STRN3: variants seen among roughly 807,000 people sequenced by gnomAD.
STRN3 encodes the protein striatin 3.
STRN3 carries 29 observed loss-of-function variants against 95.6 expected under a neutral mutation model. The ratio of observed to expected loss-of-function variants is 0.30; its 90% confidence interval spans 0.23 to 0.41. The LOEUF (loss-of-function observed/expected upper bound fraction) is 0.41, where lower values mean the gene tolerates loss of function less well. Among genes scored for constraint, STRN3 ranks in the 10% least tolerant of loss-of-function variants. STRN3 has a pLI of 1.00. For missense variants in STRN3, 890 were observed against 972.1 expected (o/e 0.92, Z 1.12); for synonymous variants, 331 against 357.6 (o/e 0.93, Z 0.84).
At chr14:30,983,952 T>C (rs1206480539) in intron 1 of STRN3, among the ~76,000 whole-genome samples, 1 of 152,094 alleles carries the variant, frequency 6.6e-6, no homozygotes, top group Non-Finnish European at 1.5e-5. Flanking sequence ...ACTTATCAAT[T>C]AAGTTTCTGC....
At chr14:30,964,877 C>CCA (rs1287528159) in intron 1 of STRN3, among the ~76,000 whole-genome samples, 2 of 151,764 alleles carry the variant, frequency 1.3e-5, no homozygotes, top group African/African-American at 2.4e-5. Flanking sequence ...CGAGATAGCA[C>CCA]CACTGCACTC....
At chr14:31,022,950 C>T (rs548593711) in intron 1 of STRN3, among the ~76,000 whole-genome samples, 19 of 152,234 alleles carry the variant, frequency 1.2e-4, no homozygotes, top group Non-Finnish European at 7.4e-5. Context: ...TTTGCTTAGA[C>T]TTACTTGATT....
At position 30,902,536 on chromosome 14, in the gene STRN3, C is replaced by T. The variant is rs563790240; in HGVS notation, c.2137G>A (p.Gly713Ser). ...TATGAAAAGAAGACAATTTGCTTAC[C>T]CGTTTTATTGTCAAAAAATTTGATG... Reference protein sequence around the residue: ...RHIKFFDNKTGKMIHSMVAHL... With the variant: ...RHIKFFDNKTSKMIHSMVAHL... The change falls in exon 16 of 18, where the codon GGT becomes AGT. Residue 713 changes from glycine (G) to serine (S), a missense_variant and splice_region_variant. This residue lies in a region of STRN3 where 357 missense variants were observed against 422.8 expected (regional missense o/e 0.84). Transcript: ENST00000357479. The T allele has an allele frequency of 7.0e-6, 11 of 1,573,712 alleles. No individual in the cohort carries two copies. In the African/African-American group the frequency reaches 1.1e-4, roughly 16 times the overall value.
intron 1 of STRN3, among the ~76,000 whole-genome samples, chr14:30,957,259 CCTGG>C (rs1879959774): frequency 6.6e-6 from 1 of 152,082 alleles, no homozygotes; most frequent in African/African-American, 2.4e-5. Flanking sequence ...TCGAGACCAT[CCTGG>C]CTAACACGGT....
intron 1 of STRN3, among the ~76,000 whole-genome samples, chr14:30,969,689 A>G (rs577467485): frequency 6.6e-6 from 1 of 152,332 alleles, no homozygotes; most frequent in Non-Finnish European, 1.5e-5. Flanking sequence ...CAAAAACTAT[A>G]TATAAAGTCC....
Position 30,957,904 on chromosome 14 carries a change from T to C in STRN3, c.283-1662A>G, listed in dbSNP as rs150236523. Reference sequence around the variant, plus strand: ...AAAGAAAGCTATTCAGTAAGCTAAATTGTTGTTAAAACTTTAGTTATGATG... The same window carrying C: ...AAAGAAAGCTATTCAGTAAGCTAAACTGTTGTTAAAACTTTAGTTATGATG... On this transcript the variant is annotated intron_variant, in intron 1 of 17. Transcript: ENST00000357479. 7.3e-5 allele frequency among the ~76,000 whole-genome samples: 11 copies of C among 151,314 alleles called. No individual in the cohort carries two copies. In the East Asian group the frequency reaches 1.3e-3, roughly 19 times the overall value.
chr14:30,921,005 C>T (rs1896864544), intron 8 of STRN3, among the ~76,000 whole-genome samples: 2 of 151,604 alleles, frequency 1.3e-5, no homozygotes, highest in African/African-American at 4.8e-5. Context: ...GTTACTTCTG[C>T]AGTATTTTGT....
chr14:30,944,777 T>C (rs966442852), intron 5 of STRN3, among the ~76,000 whole-genome samples: 7 of 151,618 alleles, frequency 4.6e-5, no homozygotes, highest in Admixed American at 4.6e-4. Flanking sequence ...ACCCAGCTAA[T>C]TTTTATATTT....
chr14:30,909,111 G>A (rs1163971215), intron 13 of STRN3, among the ~76,000 whole-genome samples: 1 of 152,216 alleles, frequency 6.6e-6, no homozygotes, highest in Non-Finnish European at 1.5e-5. Context: ...GATGATGGCT[G>A]TAAAACTTTG....
intron 1 of STRN3, among the ~76,000 whole-genome samples, chr14:31,007,205 A>G (rs1238296381): frequency 2.0e-5 from 3 of 152,242 alleles, no homozygotes; most frequent in Non-Finnish European, 2.9e-5. Context: ...CGCAGCAGAC[A>G]TTAGTTTCAG....
intron 7 of STRN3, among the ~76,000 whole-genome samples, chr14:30,929,967 A>AAAAAAAAAAAAACAAAAAAAAAAAAC (rs1555317337): frequency 3.3e-5 from 3 of 91,122 alleles, no homozygotes; most frequent in African/African-American, 1.2e-4. Flanking sequence ...AAAAAAAAAA[A>AAAAAAAAAAAAACAAAAAAAAAAAAC]AAAAAAAAAA....
At chr14:30,936,849 A>G (rs1176705412) in intron 5 of STRN3, among the ~76,000 whole-genome samples, 1 of 152,224 alleles carries the variant, frequency 6.6e-6, no homozygotes, top group East Asian at 1.9e-4. Flanking sequence ...TGTCCAAAAT[A>G]TTTTAGGTAA....
intron 1 of STRN3, among the ~76,000 whole-genome samples, chr14:30,995,493 C>T (rs1317308443): frequency 1.3e-5 from 2 of 152,106 alleles, no homozygotes; most frequent in African/African-American, 4.8e-5. Context: ...GAATTAGCTG[C>T]CTTTTGAATA....
intron 4 of STRN3, among the ~76,000 whole-genome samples, chr14:30,950,203 G>A (rs753692368): frequency 2.0e-5 from 3 of 152,104 alleles, no homozygotes; most frequent in Admixed American, 6.5e-5. Flanking sequence ...ATAACACAGT[G>A]GTCGGAGGTG....
chr14:30,921,067 CATAT>C lies in STRN3; in HGVS notation c.1100-1965_1100-1962del, dbSNP rs71842213. On this transcript the variant is annotated intron_variant, in intron 8 of 17. Transcript: ENST00000357479. ...AAGGTGAGAAGGCTTTCTACACATA[CATAT>C]ACACACACACACACACACACACACA... 9.5e-3 allele frequency among the ~76,000 whole-genome samples: 1,175 copies of C among 123,476 alleles called. 20 individuals carry two copies. The highest frequency in any genetic ancestry group is 0.03 in the African/African-American group (1,042 of 34,464). The allele number at this position is 123,476 out of a possible 152,430, so 81.0% of individuals were successfully genotyped here.
chr14:30,962,955 C>CTA (rs774447838), intron 1 of STRN3, among the ~76,000 whole-genome samples: 11 of 152,120 alleles, frequency 7.2e-5, no homozygotes, highest in Non-Finnish European at 1.0e-4. Context: ...TCAGAATAGG[C>CTA]TATACCACAT....
At chr14:31,022,236 T>G (rs546377944) in intron 1 of STRN3, among the ~76,000 whole-genome samples, 1 of 151,818 alleles carries the variant, frequency 6.6e-6, no homozygotes, top group South Asian at 2.1e-4. Flanking sequence ...AAAAATTAGC[T>G]GGGCGTGGTG....
chr14:30,905,385 T>A, intron 15 of STRN3, 33 bp downstream of exon 15: 3 of 1,565,806 alleles, frequency 1.9e-6, no homozygotes, highest in Non-Finnish European at 2.6e-6. Flanking sequence ...ATAACCCTTT[T>A]TAAGGTTTCA....
chr14:30,949,687 A>AC (rs945487458), intron 4 of STRN3, among the ~76,000 whole-genome samples: 1 of 151,666 alleles, frequency 6.6e-6, no homozygotes, highest in African/African-American at 2.4e-5. Flanking sequence ...CCGTTTCCAA[A>AC]AAAAAAAATA....
Sources: gnomAD v4.1 joint callset for allele counts (sites outside exome capture counted in the v4.1 genomes callset) on GRCh38, gnomAD v4.1.1 for gene constraint, gnomAD v4.1.1 regional missense constraint, MANE v1.5 for transcripts, NCBI Gene and HGNC (gene_info 2026-07-23, HGNC 2026-07-21) for gene names.